SPRED1: variants seen among roughly 807,000 people sequenced by gnomAD.
SPRED1 encodes the protein sprouty-related, EVH1 domain-containing protein 1.
SPRED1 carries 18 observed loss-of-function variants against 52.3 expected under a neutral mutation model. The ratio of observed to expected loss-of-function variants is 0.34; its 90% confidence interval spans 0.24 to 0.51. The LOEUF is 0.51. SPRED1 is among the 20% of genes least tolerant of loss of function. SPRED1 has a pLI of 0.97. For missense variants in SPRED1, 485 were observed against 551.0 expected (o/e 0.88, Z 1.20); for synonymous variants, 155 against 179.7 (o/e 0.86, Z 1.10).
At chr15:38,278,843 T>TTTTTTG (rs71129330) in intron 1 of SPRED1, among the ~76,000 whole-genome samples, 7 of 150,776 alleles carry the variant, frequency 4.6e-5, no homozygotes, top group South Asian at 2.1e-4. Context: ...TTTTTTTTTT[T>TTTTTTG]GTGAAATGAA....
intron 2 of SPRED1, among the ~76,000 whole-genome samples, chr15:38,309,638 T>A (rs1242959276): frequency 6.6e-6 from 1 of 152,156 alleles, no homozygotes. Context: ...TGGATCATAC[T>A]TTGGTGACAA....
At chr15:38,309,503 G>T (rs1032445947) in intron 2 of SPRED1, among the ~76,000 whole-genome samples, 3 of 152,146 alleles carry the variant, frequency 2.0e-5, no homozygotes, top group African/African-American at 7.2e-5. Flanking sequence ...GTCCTCTGTT[G>T]GAATACGTGG....
intron 2 of SPRED1, among the ~76,000 whole-genome samples, chr15:38,308,943 C>T (rs1229143409): frequency 6.6e-6 from 1 of 152,244 alleles, no homozygotes; most frequent in Admixed American, 6.5e-5. Flanking sequence ...TTGCCACCAG[C>T]GGTTTATGAG....
chr15:38,295,678 C>G (rs886291531), intron 1 of SPRED1, among the ~76,000 whole-genome samples: 1 of 152,022 alleles, frequency 6.6e-6, no homozygotes, highest in African/African-American at 2.4e-5. Context: ...TAACTAATAA[C>G]AGTAAGAGGG....
chr15:38,319,940 C>A (rs1300294230), intron 2 of SPRED1, among the ~76,000 whole-genome samples: 3 of 152,184 alleles, frequency 2.0e-5, no homozygotes, highest in African/African-American at 7.2e-5. Flanking sequence ...TTTTACTCAA[C>A]ATGCCATCAT....
chr15:38,313,227 G>A (rs190851772), intron 2 of SPRED1, among the ~76,000 whole-genome samples: 61 of 151,922 alleles, frequency 4.0e-4, no homozygotes, highest in African/African-American at 1.4e-3. Flanking sequence ...TTTTACAACC[G>A]TCCATGTAAT....
chr15:38,301,646 T>C (rs927251304), intron 2 of SPRED1, among the ~76,000 whole-genome samples: 1 of 152,140 alleles, frequency 6.6e-6, no homozygotes, highest in Non-Finnish European at 1.5e-5. Context: ...TCAAGACAAA[T>C]GAGACGGTGA....
chr15:38,336,056 T>C (rs1049586074), intron 4 of SPRED1, among the ~76,000 whole-genome samples: 2 of 152,078 alleles, frequency 1.3e-5, no homozygotes, highest in Admixed American at 1.3e-4. Context: ...TTTATGGCTA[T>C]GATAATACTG....
chr15:38,326,675 C>G (rs1182093094), intron 4 of SPRED1, among the ~76,000 whole-genome samples: 1 of 152,098 alleles, frequency 6.6e-6, no homozygotes, highest in Non-Finnish European at 1.5e-5. Context: ...GAGTGGACCT[C>G]TACAAGATTC....
intron 6 of SPRED1, 60 bp from the exon 7 acceptor site, chr15:38,350,954 G>A: frequency 6.6e-7 from 1 of 1,508,444 alleles, no homozygotes; most frequent in South Asian, 1.2e-5. Flanking sequence ...CCCCACCAAG[G>A]TGACACGTAA....
rs1888501848 is a variant in SPRED1 at position 38,352,051 on chromosome 15, C to T, written c.*387C>T. On this transcript the variant is annotated 3_prime_UTR_variant, in exon 7 of 7. Transcript: ENST00000299084. ...CTAAAAATAAAAGTGCACTAGGGGA[C>T]AGTTGATTTCAATCTAAGAAAAGTT... 5.1e-6 allele frequency: 1 copy of T among 194,452 alleles called. No homozygotes were observed. Among genetic ancestry groups the T allele is most frequent in the African/African-American group, 2.4e-5 (1 of 42,298 alleles). 12.0% of individuals were successfully genotyped at this position (194,452 alleles called of 1,614,324 possible).
At chr15:38,346,139 A>G (rs955675886) in intron 5 of SPRED1, among the ~76,000 whole-genome samples, 2 of 151,934 alleles carry the variant, frequency 1.3e-5, no homozygotes, top group Non-Finnish European at 2.9e-5. Context: ...GGCATTTGAG[A>G]CCACCTGGGC....
At chr15:38,274,525 C>G (rs1427745515) in intron 1 of SPRED1, among the ~76,000 whole-genome samples, 1 of 152,090 alleles carries the variant, frequency 6.6e-6, no homozygotes, top group Non-Finnish European at 1.5e-5. Flanking sequence ...AAAAAATATA[C>G]AAAGAATGCA....
intron 1 of SPRED1, among the ~76,000 whole-genome samples, chr15:38,288,700 A>G (rs1894859869): frequency 6.6e-6 from 1 of 152,222 alleles, no homozygotes; most frequent in Admixed American, 6.5e-5. Flanking sequence ...AGGTGGTCAG[A>G]GAGGTATAGC....
chr15:38,336,424 A>ATGTGTGTGTGTGTG (rs1178951657), intron 4 of SPRED1, among the ~76,000 whole-genome samples: 1 of 29,536 alleles, frequency 3.4e-5, no homozygotes, highest in Non-Finnish European at 8.4e-5. Flanking sequence ...ATGTGTGTGT[A>ATGTGTGTGTGTGTG]TATATATATA....
In SPRED1 at chr15:38,349,476, C is replaced by T. The variant is rs121434316; in HGVS notation, c.637C>T (p.Gln213Ter). ...DIQSRSMEYV[Q>*]RQISKECGSL... ...TCAGAGCAGAAGTATGGAATACGTA[C>T]AGCGGCAAATATCCAAGGAATGTGG... The change falls in exon 6 of 7, where the codon CAG becomes TAG. Residue 213 changes from glutamine (Q) to a stop codon, truncating the protein, a stop_gained. Transcript: ENST00000299084. LOFTEE classifies it high-confidence loss of function. 6.2e-7 allele frequency: 1 copy of T among 1,612,696 alleles called. No homozygotes were observed. The highest frequency in any genetic ancestry group is 2.2e-5 in the East Asian group (1 of 44,794).
chr15:38,344,085 A>G (rs969343506), intron 5 of SPRED1, among the ~76,000 whole-genome samples: 3 of 152,202 alleles, frequency 2.0e-5, no homozygotes, highest in South Asian at 2.1e-4. Flanking sequence ...CAGGAGTCAT[A>G]CTTGCTTATA....
rs573576473 is a variant in SPRED1, at chr15:38,328,648, T to G, written c.423+3839T>G. ...AAGATTTTTAAAAACCTAACCAATATTAAGGTGTGAATGTTCTTTTCATTT... is the reference window on the plus strand; with the variant it reads ...AAGATTTTTAAAAACCTAACCAATAGTAAGGTGTGAATGTTCTTTTCATTT... On this transcript the variant is annotated intron_variant, in intron 4 of 6. Coordinates refer to ENST00000299084, the MANE Select transcript of SPRED1 (RefSeq NM_152594.3). 5.9e-5 allele frequency among the ~76,000 whole-genome samples: 9 copies of G among 152,302 alleles called. No homozygotes were observed. In the South Asian group the frequency reaches 1.9e-3, roughly 32 times the overall value.
intron 2 of SPRED1, among the ~76,000 whole-genome samples, chr15:38,304,378 C>T (rs1895209228): frequency 6.6e-6 from 1 of 152,170 alleles, no homozygotes. Flanking sequence ...TAGGATTCAG[C>T]CTTCCTAGCA....
Sources: gnomAD v4.1 joint callset for allele counts (sites outside exome capture counted in the v4.1 genomes callset) on GRCh38, gnomAD v4.1.1 for gene constraint, MANE v1.5 for transcripts, NCBI Gene and HGNC (gene_info 2026-07-23, HGNC 2026-07-21) for gene names.